Variants in MARK4 observed in about 807,000 individuals in gnomAD.
The protein encoded by MARK4 is MAP/microtubule affinity-regulating kinase 4.
In MARK4, 19 loss-of-function variants were observed where a neutral mutation model predicts 81.5. That is an observed-to-expected ratio of 0.23 (90% CI 0.16 to 0.34). The LOEUF (loss-of-function observed/expected upper bound fraction) is 0.34. Among genes scored for constraint, MARK4 ranks in the 10% least tolerant of loss-of-function variants. The pLI is 1.00. For synonymous variants in MARK4, 436 were observed against 439.0 expected (o/e 0.99, Z 0.08); for missense variants, 772 against 1,058.8 (o/e 0.73, Z 3.76).
chr19:45,279,227 G>A (rs1970640895), intron 10 of MARK4, among the ~76,000 whole-genome samples: 1 of 151,550 alleles, frequency 6.6e-6, no homozygotes, highest in East Asian at 1.9e-4. Flanking sequence ...CTCAAAAAAA[G>A]AAAAAAAGGT....
chr19:45,276,327 T>C (rs1970597183), intron 8 of MARK4, among the ~76,000 whole-genome samples: 1 of 152,164 alleles, frequency 6.6e-6, no homozygotes, highest in Admixed American at 6.6e-5. Context: ...ACGCCTGGCC[T>C]ATTGCGGTTT....
chr19:45,302,693 A>C lies in MARK4; in HGVS notation c.2242A>C (p.Asn748His). 1 of 1,536,220 alleles carries C rather than the reference A, an allele frequency of 6.5e-7. No individual in the cohort carries two copies. The highest frequency in any genetic ancestry group is 1.4e-5 in the African/African-American group (1 of 73,126). ...CCGCACCCTCGTCACCCGCATCTCC[A>C]ACGACCTCGAGCTCTGAGCCACCAC... ...AFRTLVTRISNDLEL is the reference protein window; with the variant it reads ...AFRTLVTRISHDLEL Residue 748 changes from asparagine to histidine, a missense_variant, in exon 17 of 17, where the codon AAC becomes CAC. Around this residue, in one of 3 missense-constraint regions of MARK4, gnomAD observed 548 missense variants for 624.3 expected, o/e 0.88. Transcript: ENST00000262891. This position sits in a 1 kb window ranked among gnomAD's most constrained non-coding sequence, Gnocchi z 4.9.
In MARK4 at chr19:45,294,458, G is replaced by A. The variant is rs775765539; in HGVS notation, c.1598+6G>A. ...CCAAATGGGAAAGAAAACAGGTACGGAGGGGGCAGCAACAGGGTGAGGGGT... is the reference window on the plus strand; with the variant it reads ...CCAAATGGGAAAGAAAACAGGTACGAAGGGGGCAGCAACAGGGTGAGGGGT... On this transcript the variant is annotated splice_donor_region_variant and intron_variant, in intron 14 of 16. Coordinates refer to ENST00000262891, the MANE Select transcript of MARK4 (RefSeq NM_001199867.2). 16 of 1,613,302 alleles carry A rather than the reference G, an allele frequency of 9.9e-6. No individual in the cohort carries two copies. The South Asian group carries it at 1.6e-4, about 17-fold the overall frequency.
In MARK4 at chr19:45,269,776, G is replaced by A. The variant is rs76727474; in HGVS notation, c.550-1696G>A. ...TCCCACAGCTTCTGTTTCCTCCCCT[G>A]TGAAATGGCAATTGCAAGACCGCAT... On this transcript the variant is annotated intron_variant, in intron 7 of 16. Coordinates refer to ENST00000262891, the MANE Select transcript of MARK4 (RefSeq NM_001199867.2). Among the ~76,000 whole-genome samples the A allele has an allele frequency of 2.2e-3, 328 of 152,292 alleles. 1 individual carries two copies. Among genetic ancestry groups the A allele is most frequent in the African/African-American group, 7.4e-3 (308 of 41,566 alleles).
chr19:45,302,852 C>T lies in MARK4; in HGVS notation c.*142C>T. 2 of 1,287,866 alleles carry T rather than the reference C, an allele frequency of 1.6e-6. No homozygotes were observed. Among genetic ancestry groups the T allele is most frequent in the East Asian group, 2.5e-5 (1 of 39,386 alleles). The allele number at this position is 1,287,866 out of a possible 1,614,324, so 79.8% of individuals were successfully genotyped here. A position where few individuals can be genotyped will look rare whatever the true frequency, so the allele number is the denominator to read the frequency against. On this transcript the variant is annotated 3_prime_UTR_variant, in exon 17 of 17. Transcript: ENST00000262891. This position sits in a 1 kb window ranked among gnomAD's most constrained non-coding sequence, Gnocchi z 4.9. ...TATATTTGGGGGCAAAGATTGTCCC[C>T]TCTGCTGTTCTCTGGGGCCGCTCAG...
intron 14 of MARK4, 23 bp from the exon 15 acceptor site, chr19:45,297,653 G>C: frequency 6.0e-6 from 9 of 1,497,152 alleles, no homozygotes; most frequent in Non-Finnish European, 8.0e-6. Context: ...CCCCCACCCT[G>C]ACTTGTCTGT....
At chr19:45,288,600 C>T (rs559551289) in intron 13 of MARK4, 13 of 151,294 alleles carry the variant, frequency 8.6e-5, no homozygotes, top group African/African-American at 2.9e-4. Flanking sequence ...CCTGTAATCC[C>T]AGCACTTTGG....
In MARK4 at chr19:45,302,866, G is replaced by A; in HGVS notation, c.*156G>A. On this transcript the variant is annotated 3_prime_UTR_variant, in exon 17 of 17. Coordinates refer to ENST00000262891, the MANE Select transcript of MARK4 (RefSeq NM_001199867.2). The surrounding 1 kb of genome is among the most constrained non-coding windows in gnomAD (Gnocchi z 4.9). Reference sequence around the variant, plus strand: ...AAGATTGTCCCCTCTGCTGTTCTCTGGGGCCGCTCAGCACAGAAGAAGGAT... The same window carrying A: ...AAGATTGTCCCCTCTGCTGTTCTCTAGGGCCGCTCAGCACAGAAGAAGGAT... 8.2e-7 allele frequency: 1 copy of A among 1,224,034 alleles called. No homozygotes were observed. The highest frequency in any genetic ancestry group is 2.6e-5 in the East Asian group (1 of 39,018). 75.8% of individuals were successfully genotyped at this position (1,224,034 alleles called of 1,614,324 possible).
Position 45,280,141 on chromosome 19 carries a change from G to A in MARK4, c.1007-233G>A, listed in dbSNP as rs1332338692. On this transcript the variant is annotated intron_variant, in intron 10 of 16. Transcript: ENST00000262891. The stretch of plus-strand genomic sequence containing the variant: ...AGGTGGGTGGATTGCTTGTGCCCAG[G>A]AGTTTCAAACCAGCCTGGACAACAT... The A allele has an allele frequency of 2.2e-5, 10 of 455,526 alleles. No individual in the cohort carries two copies. The East Asian group carries it at 3.9e-4, about 18-fold the overall frequency. 28.2% of individuals were successfully genotyped at this position (455,526 alleles called of 1,614,324 possible).
chr19:45,278,739 G>A, intron 10 of MARK4, 124 bp downstream of exon 10: 2 of 711,018 alleles, frequency 2.8e-6, no homozygotes, highest in Non-Finnish European at 4.8e-6. Flanking sequence ...AAGTAGCTGG[G>A]ACCACAGGCG....
chr19:45,260,389 CA>C (rs35221473), intron 2 of MARK4, among the ~76,000 whole-genome samples: 3,265 of 110,846 alleles, frequency 0.029, 41 homozygotes, highest in South Asian at 0.046. Flanking sequence ...GACTTTGTCT[CA>C]AAAAAAAAAA....
chr19:45,258,972 C>T lies in MARK4; in HGVS notation c.52-17C>T, dbSNP rs1343647905. 12 of 1,609,522 alleles carry T rather than the reference C, an allele frequency of 7.5e-6. No individual in the cohort carries two copies. The highest frequency in any genetic ancestry group is 1.7e-5 in the Admixed American group (1 of 59,872). On this transcript the variant is annotated splice_polypyrimidine_tract_variant and intron_variant, in intron 1 of 16. Coordinates refer to ENST00000262891, the MANE Select transcript of MARK4 (RefSeq NM_001199867.2). The stretch of plus-strand genomic sequence containing the variant: ...AAGGTGGGATTGGATAGCTCATGCT[C>T]CATCTCCCCCGCCCAGCATGGCACC...
chr19:45,264,972 AGCTGGGCATGGTCTGG>A, intron 6 of MARK4, 62 bp downstream of exon 6: 1 of 1,559,362 alleles, frequency 6.4e-7, no homozygotes, highest in Non-Finnish European at 8.8e-7. Flanking sequence ...GGCGTCTGAG[AGCTGGGCATGGTCTGG>A]GCTGTCCAGC....
intron 12 of MARK4, among the ~76,000 whole-genome samples, chr19:45,284,569 G>A (rs1970718661): frequency 1.3e-5 from 2 of 151,522 alleles, no homozygotes. Flanking sequence ...TGATCCACCT[G>A]CTTTGGCTTT....
intron 7 of MARK4, among the ~76,000 whole-genome samples, chr19:45,267,580 C>A (rs184376141): frequency 5.2e-4 from 79 of 152,330 alleles, no homozygotes; most frequent in African/African-American, 1.8e-3. Flanking sequence ...GTTGTCTTGA[C>A]TGTCGTTTTG....
chr19:45,251,860 T>A (rs1970246354), intron 1 of MARK4, among the ~76,000 whole-genome samples: 1 of 151,320 alleles, frequency 6.6e-6, no homozygotes, highest in Non-Finnish European at 1.5e-5. Flanking sequence ...GACCCCTCTC[T>A]TGTCCCCGTG....
chr19:45,296,240 T>A (rs186785839), intron 14 of MARK4, among the ~76,000 whole-genome samples: 11 of 151,792 alleles, frequency 7.2e-5, no homozygotes, highest in South Asian at 2.1e-4. Flanking sequence ...TAAAAAAAAA[T>A]TTAAAAACAA....
chr19:45,268,975 G>A (rs1970490751), intron 7 of MARK4, among the ~76,000 whole-genome samples: 1 of 152,124 alleles, frequency 6.6e-6, no homozygotes, highest in Admixed American at 6.6e-5. Flanking sequence ...CCCCAAAGCA[G>A]CTAACACGAG....
intron 2 of MARK4, among the ~76,000 whole-genome samples, chr19:45,259,804 G>A (rs1226311800): frequency 6.6e-6 from 1 of 151,368 alleles, no homozygotes; most frequent in Non-Finnish European, 1.5e-5. Flanking sequence ...AAATAAAAGA[G>A]GGCTGGGCAT....
Sources: gnomAD v4.1 joint callset for allele counts (sites outside exome capture counted in the v4.1 genomes callset) on GRCh38, gnomAD v4.1.1 for gene constraint, gnomAD v4.1.1 regional missense constraint, Gnocchi (gnomAD v3.1) non-coding constraint, MANE v1.5 for transcripts, NCBI Gene and HGNC (gene_info 2026-07-23, HGNC 2026-07-21) for gene names.